The following COL4A1 variants were observed in gnomAD, a reference collection of about 807,000 sequenced individuals.
COL4A1 encodes the protein collagen type IV alpha 1 chain, also known as collagen alpha-1(IV) chain.
Under a neutral mutation model 216.6 loss-of-function variants are expected in COL4A1, and 40 were observed. The ratio of observed to expected loss-of-function variants is 0.18; its 90% CI spans 0.14 to 0.24. The LOEUF is 0.24. Among genes scored for constraint, COL4A1 ranks in the 10% least tolerant of loss-of-function variants. The probability of loss-of-function intolerance (pLI) is 1.00; values close to 1 mark genes in which losing one functional copy is unlikely to be tolerated. For synonymous variants in COL4A1, 839 were observed against 810.7 expected (o/e 1.03, Z -0.59); for missense variants, 1,628 against 2,196.8 (o/e 0.74, Z 5.18).
At chr13:110,275,510 C>G (rs1168301472) in intron 1 of COL4A1, among the ~76,000 whole-genome samples, 1 of 152,170 alleles carries the variant, frequency 6.6e-6, no homozygotes, top group Non-Finnish European at 1.5e-5. Flanking sequence ...TCTGATAAAA[C>G]CAAACACACC....
chr13:110,296,677 G>T (rs137944474), intron 1 of COL4A1, among the ~76,000 whole-genome samples: 38 of 152,258 alleles, frequency 2.5e-4, no homozygotes, highest in African/African-American at 8.7e-4. Flanking sequence ...TCTATCTGAA[G>T]ACAGCATCAG....
chr13:110,181,745 G>A (rs1199938885), intron 28 of COL4A1, among the ~76,000 whole-genome samples: 3 of 152,112 alleles, frequency 2.0e-5, no homozygotes, highest in African/African-American at 2.4e-5. Context: ...GTGTGGTTGG[G>A]GGGGCAGGTC....
At chr13:110,157,008 G>A (rs907680568) in intron 49 of COL4A1, among the ~76,000 whole-genome samples, 3 of 152,202 alleles carry the variant, frequency 2.0e-5, no homozygotes, top group African/African-American at 7.2e-5. Flanking sequence ...CTGTTTGCTA[G>A]ACACGAGACC....
chr13:110,184,303 G>A (rs977482104), intron 26 of COL4A1, among the ~76,000 whole-genome samples: 6 of 152,202 alleles, frequency 3.9e-5, no homozygotes, highest in African/African-American at 1.4e-4. Flanking sequence ...GTAGTTTCTC[G>A]CCAAAAGAAA....
At chr13:110,297,085 T>C (rs192019115) in intron 1 of COL4A1, among the ~76,000 whole-genome samples, 29 of 152,302 alleles carry the variant, frequency 1.9e-4, no homozygotes, top group Admixed American at 9.8e-4. Context: ...AAGGGCATGA[T>C]TGATTAAATC....
chr13:110,205,694 C>T (rs1046218806), intron 15 of COL4A1, among the ~76,000 whole-genome samples, 156 bp from the exon 16 acceptor site: 5 of 152,104 alleles, frequency 3.3e-5, no homozygotes, highest in African/African-American at 1.2e-4. Context: ...GAAATCCCGT[C>T]TCCACTAAAA....
intron 1 of COL4A1, among the ~76,000 whole-genome samples, chr13:110,287,163 C>G (rs1566445128): frequency 6.6e-6 from 1 of 152,218 alleles, no homozygotes; most frequent in Non-Finnish European, 1.5e-5. Flanking sequence ...GGGCACTGGA[C>G]ATGCAGAGAC....
At chr13:110,193,004 A>C (rs1878715074) in intron 22 of COL4A1, 91 bp from the exon 23 acceptor site, 13 of 1,175,258 alleles carry the variant, frequency 1.1e-5, no homozygotes, top group Non-Finnish European at 1.5e-5. Flanking sequence ...CAAGGCTGTC[A>C]CTAACATATT....
At chr13:110,262,788 G>A (rs627527) in intron 1 of COL4A1, among the ~76,000 whole-genome samples, 86,116 of 152,080 alleles carry the variant, frequency 0.57, 24,545 homozygotes, top group Admixed American at 0.63. Flanking sequence ...GCTTCACTTC[G>A]ATGTGTTCCC....
chr13:110,187,192 C>T lies in COL4A1; in HGVS notation c.1674G>A (p.Ala558=), dbSNP rs766589468. 2.4e-5 allele frequency: 38 copies of T among 1,613,866 alleles called. No individual in the cohort carries two copies. The highest frequency in any genetic ancestry group is 1.3e-4 in the Admixed American group (8 of 59,984). Residue 558 remains alanine, a synonymous_variant, in exon 25 of 52, where the codon GCG becomes GCA. Coordinates refer to ENST00000375820, the MANE Select transcript of COL4A1 (RefSeq NM_001845.6). The part of the protein sequence containing the change: ...FPGQPGMPGR[A]GSPGRDGHPG... ...GATGGCCATCTCTTCCAGGAGAACC[C>T]GCTCTCCCTGGCATGCCGGGCTGTC...
At chr13:110,274,454 T>A (rs924239270) in intron 1 of COL4A1, among the ~76,000 whole-genome samples, 2 of 152,340 alleles carry the variant, frequency 1.3e-5, no homozygotes, top group South Asian at 4.1e-4. Flanking sequence ...TGGTCTGAAC[T>A]TGGATCTGGC....
rs1359255839 is a variant in COL4A1 at position 110,253,333 on chromosome 13, GTATTACATATACATATAATTATAT to G, written c.85-10623_85-10600del. Among the ~76,000 whole-genome samples the G allele has an allele frequency of 3.1e-4, 23 of 75,202 alleles. 4 individuals carry two copies. The highest frequency in any genetic ancestry group is 7.1e-4 in the Admixed American group (4 of 5,632). The allele number at this position is 75,202 out of a possible 152,430, so 49.3% of individuals were successfully genotyped here. A position where few individuals can be genotyped will look rare whatever the true frequency, so the allele number is the denominator to read the frequency against. ...GTATTACATATACATATAATTATAT[GTATTACATATACATATAATTATAT>G]GTATTACATATACATATAATTATAT... On this transcript the variant is annotated intron_variant, in intron 1 of 51. Coordinates refer to ENST00000375820, the MANE Select transcript of COL4A1 (RefSeq NM_001845.6).
chr13:110,162,479 A>G (rs1877132237), intron 47 of COL4A1, 37 bp from the exon 48 acceptor site: 5 of 1,417,688 alleles, frequency 3.5e-6, no homozygotes, highest in Non-Finnish European at 5.0e-6. Context: ...CCCTAATTAC[A>G]AACACGCTCC....
intron 1 of COL4A1, among the ~76,000 whole-genome samples, chr13:110,269,061 G>C (rs1027666585): frequency 2.0e-5 from 3 of 152,208 alleles, no homozygotes; most frequent in African/African-American, 7.2e-5. Flanking sequence ...ACTTGGAAAA[G>C]TGCCAGCTGT....
At chr13:110,231,818 C>A (rs976313837) in intron 2 of COL4A1, among the ~76,000 whole-genome samples, 5 of 152,204 alleles carry the variant, frequency 3.3e-5, no homozygotes, top group Non-Finnish European at 7.3e-5. Context: ...TCACCACATG[C>A]CACAGACTTG....
chr13:110,227,433 CACAA>C (rs1880791449), intron 2 of COL4A1, among the ~76,000 whole-genome samples: 7 of 149,840 alleles, frequency 4.7e-5, no homozygotes, highest in South Asian at 2.1e-4. Flanking sequence ...CACAAACACA[CACAA>C]ACACAGAATC....
intron 21 of COL4A1, 128 bp from the exon 22 acceptor site, chr13:110,195,246 G>C: frequency 1.3e-6 from 1 of 798,746 alleles, no homozygotes; most frequent in Non-Finnish European, 2.2e-6. Flanking sequence ...GCTTTAGTTT[G>C]TTTCAAAATC....
At chr13:110,186,596 C>G in intron 25 of COL4A1, 43 bp from the exon 26 acceptor site, 1 of 1,609,470 alleles carries the variant, frequency 6.2e-7, no homozygotes, top group Admixed American at 1.7e-5. Flanking sequence ...CAGAGACACA[C>G]CAACACCCTG....
intron 1 of COL4A1, among the ~76,000 whole-genome samples, chr13:110,267,246 GC>G (rs1345537860): frequency 6.6e-6 from 1 of 152,184 alleles, no homozygotes; most frequent in Non-Finnish European, 1.5e-5. Context: ...TGTCCAGGGA[GC>G]CCCTGCATGA....
Sources: gnomAD v4.1 joint callset for allele counts (sites outside exome capture counted in the v4.1 genomes callset) on GRCh38, gnomAD v4.1.1 for gene constraint, MANE v1.5 for transcripts, NCBI Gene and HGNC (gene_info 2026-07-23, HGNC 2026-07-21) for gene names.